Variants in PCGF3 observed in about 807,000 individuals in gnomAD.
The protein encoded by PCGF3 is polycomb group RING finger protein 3.
PCGF3 carries 7 observed loss-of-function variants against 33.1 expected under a neutral mutation model. That is an observed-to-expected ratio of 0.21 (90% CI 0.12 to 0.40). The LOEUF is 0.40. PCGF3 is among the 10% of genes least tolerant of loss of function. The pLI is 1.00. For synonymous variants in PCGF3, 153 were observed against 121.3 expected, an observed-to-expected ratio of 1.26 and a Z score of -1.72; for missense variants, 211 against 313.3, an observed-to-expected ratio of 0.67 and a Z score of 2.46.
intron 8 of PCGF3, among the ~76,000 whole-genome samples, chr4:751,178 C>T (rs1173598315): frequency 6.6e-6 from 1 of 152,026 alleles, no homozygotes; most frequent in East Asian, 1.9e-4. Flanking sequence ...GATTCCGTGT[C>T]CGTTTGTGGG....
chr4:707,476 C>A (rs189294767), intron 1 of PCGF3, among the ~76,000 whole-genome samples: 4,323 of 147,100 alleles, frequency 0.029, 132 homozygotes, highest in East Asian at 0.07. Context: ...CCCTGTTTTC[C>A]CCTGGGGGCC....
intron 6 of PCGF3, among the ~76,000 whole-genome samples, chr4:738,308 G>A (rs1743924696): frequency 1.3e-5 from 2 of 152,222 alleles, no homozygotes; most frequent in South Asian, 4.1e-4. Flanking sequence ...TACTGTTAGA[G>A]GCTTCTTCCC....
intron 1 of PCGF3, among the ~76,000 whole-genome samples, chr4:714,421 C>T (rs1742716693): frequency 6.6e-6 from 1 of 152,232 alleles, no homozygotes; most frequent in Admixed American, 6.5e-5. Context: ...TGAGTCCCAC[C>T]TGAGAGCAAG....
chr4:707,629 C>CT (rs1560192585), intron 1 of PCGF3, among the ~76,000 whole-genome samples: 7 of 116,854 alleles, frequency 6.0e-5, no homozygotes, highest in Admixed American at 1.6e-4. Flanking sequence ...CCCTGGGGGT[C>CT]GGGACCCTGG....
chr4:736,526 G>A (rs186098484), intron 5 of PCGF3, among the ~76,000 whole-genome samples: 19,210 of 112,324 alleles, frequency 0.17, 2,350 homozygotes, highest in African/African-American at 0.2. Flanking sequence ...TCCCCTGAGC[G>A]CATAGGATGC....
chr4:751,051 A>ATT (rs3214921), intron 8 of PCGF3, among the ~76,000 whole-genome samples: 2 of 151,404 alleles, frequency 1.3e-5, no homozygotes, highest in Admixed American at 1.3e-4. Context: ...GTGAGAATAC[A>ATT]TTTTTTCCCC....
At chr4:730,274 C>T (rs555815950) in intron 1 of PCGF3, among the ~76,000 whole-genome samples, 5 of 152,306 alleles carry the variant, frequency 3.3e-5, no homozygotes, top group Non-Finnish European at 7.4e-5. Flanking sequence ...TTGCATTTGC[C>T]CAGATCACCC....
At chr4:767,364 A>G (rs1316248129) in exon 11 of PCGF3, 1 of 152,144 alleles carries the variant, frequency 6.6e-6, no homozygotes, top group Non-Finnish European at 1.5e-5. Context: ...AAAGGCCAGA[A>G]GGAGGAGCAA....
At chr4:761,494 G>C in intron 9 of PCGF3, 78 bp downstream of exon 9, 1 of 1,447,570 alleles carries the variant, frequency 6.9e-7, no homozygotes, top group Non-Finnish European at 9.2e-7. Context: ...TCTTTGCTTA[G>C]TTTTGTTTTG....
intron 8 of PCGF3, among the ~76,000 whole-genome samples, chr4:760,906 G>A (rs565327515): frequency 2.0e-5 from 3 of 152,308 alleles, no homozygotes; most frequent in African/African-American, 4.8e-5. Context: ...CTGTCTCCCC[G>A]AGTGCATTCG....
chr4:752,011 G>T (rs1300209784), intron 8 of PCGF3, among the ~76,000 whole-genome samples: 1 of 152,258 alleles, frequency 6.6e-6, no homozygotes, highest in African/African-American at 2.4e-5. Flanking sequence ...ACGCAAAAGC[G>T]TGTCGGGTTT....
intron 1 of PCGF3, among the ~76,000 whole-genome samples, chr4:708,099 G>C (rs1205513928): frequency 6.6e-6 from 1 of 151,922 alleles, no homozygotes; most frequent in African/African-American, 2.4e-5. Context: ...CTGGGGGCCG[G>C]GACCCTGAGA....
intron 6 of PCGF3, among the ~76,000 whole-genome samples, chr4:738,082 G>A (rs1055523544): frequency 1.3e-5 from 2 of 152,242 alleles, no homozygotes; most frequent in East Asian, 3.8e-4. Context: ...CTCCGCTGGC[G>A]ACCGGCAAGG....
At chr4:706,518 G>C (rs1742312326) in intron 1 of PCGF3, among the ~76,000 whole-genome samples, 1 of 143,380 alleles carries the variant, frequency 7.0e-6, no homozygotes, top group Admixed American at 6.8e-5. Context: ...GACCCCGGGA[G>C]GGCCAAGACC....
intron 1 of PCGF3, among the ~76,000 whole-genome samples, chr4:725,752 G>A (rs1373067871): frequency 6.6e-6 from 1 of 152,262 alleles, no homozygotes; most frequent in Non-Finnish European, 1.5e-5. Flanking sequence ...GAGGGCTGCT[G>A]TGGGTTCTGC....
intron 6 of PCGF3, among the ~76,000 whole-genome samples, chr4:738,814 G>A (rs560823361): frequency 1.1e-4 from 16 of 152,152 alleles, no homozygotes; most frequent in South Asian, 4.1e-4. Flanking sequence ...AGCTGAGATC[G>A]CGCCACTGCA....
At chr4:722,138 CCA>C (rs1743105498) in intron 1 of PCGF3, 1 of 154,904 alleles carries the variant, frequency 6.5e-6, no homozygotes, top group African/African-American at 2.4e-5. Context: ...AAGGACACAC[CCA>C]CAGACACGGA....
chr4:749,974 T>A (rs1316076973), intron 8 of PCGF3, among the ~76,000 whole-genome samples: 1 of 152,192 alleles, frequency 6.6e-6, no homozygotes, highest in Admixed American at 6.5e-5. Flanking sequence ...TTAACTTTTT[T>A]AATTTTTTGT....
chr4:752,649 G>GA (rs965636038), intron 8 of PCGF3, among the ~76,000 whole-genome samples: 2 of 152,176 alleles, frequency 1.3e-5, no homozygotes, highest in African/African-American at 4.8e-5. Flanking sequence ...CGGGGGTGGG[G>GA]GGCCATGCAG....
Sources: gnomAD v4.1 joint callset for allele counts (sites outside exome capture counted in the v4.1 genomes callset) on GRCh38, gnomAD v4.1.1 for gene constraint, MANE v1.5 for transcripts, NCBI Gene and HGNC (gene_info 2026-07-23, HGNC 2026-07-21) for gene names.